The following PTPRD variants were observed in gnomAD, a reference collection of about 807,000 sequenced individuals.
PTPRD encodes receptor-type tyrosine-protein phosphatase delta.
Under a neutral mutation model 214.5 loss-of-function variants are expected in PTPRD, and 34 were observed. The observed-to-expected ratio is 0.16, with a 90% CI of 0.12 to 0.21. PTPRD has a LOEUF of 0.21. Among genes scored for constraint, PTPRD ranks in the 10% least tolerant of loss-of-function variants. The probability of loss-of-function intolerance (pLI) is 1.00; values close to 1 mark genes in which losing one functional copy is unlikely to be tolerated. For missense variants in PTPRD, 2,545 were observed against 2,398.7 expected (o/e 1.06, Z -1.27); for synonymous variants, 1,128 against 845.7 (o/e 1.33, Z -5.79).
rs1588450464 is a variant in PTPRD at position 9,439,236 on chromosome 9, T to A, written c.-236-41754A>T. On this transcript the variant is annotated intron_variant, in intron 8 of 45. Transcript: ENST00000381196. ...AGAAGTTTGAAGCATAAGAAAGAAA[T>A]TAGTGAGTACTCTCCCACAAATATA... 4.6e-5 allele frequency among the ~76,000 whole-genome samples: 7 copies of A among 152,198 alleles called. No homozygotes were observed. The South Asian group carries it at 1.2e-3, about 27-fold the overall frequency.
At chr9:9,866,224 T>A (rs1339975528) in intron 5 of PTPRD, among the ~76,000 whole-genome samples, 1 of 152,250 alleles carries the variant, frequency 6.6e-6, no homozygotes, top group Non-Finnish European at 1.5e-5. Flanking sequence ...CACTTTAGAA[T>A]CTGCTATATA....
At chr9:9,284,297 T>C (rs1209402543) in intron 9 of PTPRD, among the ~76,000 whole-genome samples, 1 of 151,646 alleles carries the variant, frequency 6.6e-6, no homozygotes, top group Non-Finnish European at 1.5e-5. Context: ...GTTTTTATTA[T>C]CCCATCATCT....
At chr9:9,268,426 A>T (rs1941185483) in intron 9 of PTPRD, among the ~76,000 whole-genome samples, 1 of 151,202 alleles carries the variant, frequency 6.6e-6, no homozygotes, top group Non-Finnish European at 1.5e-5. Flanking sequence ...TTATTGTCAA[A>T]ACATACTTCT....
chr9:10,495,619 G>C (rs993001395), intron 2 of PTPRD, among the ~76,000 whole-genome samples: 3 of 151,732 alleles, frequency 2.0e-5, no homozygotes, highest in African/African-American at 7.2e-5. Context: ...ATATAATTGA[G>C]CTAAAAATTT....
At chr9:8,688,484 G>A (rs1343956274) in intron 12 of PTPRD, among the ~76,000 whole-genome samples, 2 of 150,816 alleles carry the variant, frequency 1.3e-5, no homozygotes, top group Non-Finnish European at 2.9e-5. Flanking sequence ...AGAATGGCAT[G>A]AACCCAGGAG....
chr9:9,321,187 T>A (rs1966281293), intron 9 of PTPRD, among the ~76,000 whole-genome samples: 1 of 152,224 alleles, frequency 6.6e-6, no homozygotes, highest in Non-Finnish European at 1.5e-5. Flanking sequence ...CTCATGATTC[T>A]GATGTATGTG....
chr9:8,420,848 C>G (rs1010815776), intron 35 of PTPRD, among the ~76,000 whole-genome samples: 1 of 147,934 alleles, frequency 6.8e-6, no homozygotes, highest in African/African-American at 2.5e-5. Context: ...ACACTGAGAG[C>G]GTAGGAAAAG....
intron 10 of PTPRD, among the ~76,000 whole-genome samples, chr9:9,116,762 T>C (rs777706041): frequency 1.3e-5 from 2 of 152,164 alleles, no homozygotes; most frequent in Non-Finnish European, 2.9e-5. Flanking sequence ...GCACAGAAAA[T>C]GCTCCTCTAC....
At chr9:8,404,779 A>C in intron 35 of PTPRD, 119 bp from the exon 36 acceptor site, 1 of 1,251,594 alleles carries the variant, frequency 8.0e-7, no homozygotes, top group Non-Finnish European at 1.1e-6. Context: ...ATACTTCATC[A>C]AGATGATCCT....
intron 8 of PTPRD, among the ~76,000 whole-genome samples, chr9:9,539,135 A>C (rs2154270437): frequency 6.6e-6 from 1 of 152,016 alleles, no homozygotes; most frequent in African/African-American, 2.4e-5. Flanking sequence ...CAATGGGTAA[A>C]GAAGGAGTTA....
chr9:9,262,256 T>C lies in PTPRD; in HGVS notation c.-202-78893A>G, dbSNP rs143958854. Reference sequence around the variant, plus strand: ...ACAAATACAATTTAAACTTTACTCATAGACACATCAGAAAGAGTAAAATGA... The same window carrying C: ...ACAAATACAATTTAAACTTTACTCACAGACACATCAGAAAGAGTAAAATGA... On this transcript the variant is annotated intron_variant, in intron 9 of 45. Transcript: ENST00000381196. Among the ~76,000 whole-genome samples, 564 of 151,274 alleles carry C rather than the reference T, an allele frequency of 3.7e-3. 5 individuals carry two copies. The highest frequency in any genetic ancestry group is 0.013 in the African/African-American group (543 of 41,274).
chr9:9,144,964 G>C (rs929559385), intron 10 of PTPRD, among the ~76,000 whole-genome samples: 10 of 152,080 alleles, frequency 6.6e-5, no homozygotes, highest in Non-Finnish European at 1.2e-4. Flanking sequence ...TCAGTTTAAA[G>C]GTATTCTGAA....
rs992950907 is a variant in PTPRD at position 9,717,606 on chromosome 9, T to A, written c.-287+16927A>T. Among the ~76,000 whole-genome samples the A allele has an allele frequency of 1.2e-4, 19 of 152,346 alleles. No individual in the cohort carries two copies. The East Asian group carries it at 3.1e-3, about 25-fold the overall frequency. On this transcript the variant is annotated intron_variant, in intron 7 of 45. Transcript: ENST00000381196. The stretch of plus-strand genomic sequence containing the variant: ...AAAACAGCAGACATGGAAGGAATGA[T>A]TCAAAACAAAGATGTCTTATGATTT...
At chr9:10,001,418 T>A (rs997280791) in intron 4 of PTPRD, among the ~76,000 whole-genome samples, 1 of 152,096 alleles carries the variant, frequency 6.6e-6, no homozygotes, top group Non-Finnish European at 1.5e-5. Context: ...AGAAGCTTAA[T>A]AAATTATAAG....
intron 7 of PTPRD, among the ~76,000 whole-genome samples, chr9:9,646,558 T>C (rs904094169): frequency 6.6e-6 from 1 of 152,162 alleles, no homozygotes. Flanking sequence ...ATACTGAGAA[T>C]CAATGTGTTT....
chr9:9,400,444 G>A (rs1485102740), intron 8 of PTPRD, among the ~76,000 whole-genome samples: 3 of 34,158 alleles, frequency 8.8e-5, no homozygotes, highest in Admixed American at 2.9e-4. Flanking sequence ...ATCAAAATCC[G>A]TCCTTCTAAT....
intron 9 of PTPRD, among the ~76,000 whole-genome samples, chr9:9,202,329 A>G (rs565869851): frequency 6.6e-6 from 1 of 152,300 alleles, no homozygotes; most frequent in Non-Finnish European, 1.5e-5. Flanking sequence ...TTTACTGAAT[A>G]CTTCTCTTTA....
chr9:9,691,922 C>T (rs2097278879), intron 7 of PTPRD, among the ~76,000 whole-genome samples: 2 of 151,990 alleles, frequency 1.3e-5, no homozygotes, highest in Non-Finnish European at 2.9e-5. Context: ...TGTATGCCTT[C>T]TTCTGGGAAC....
chr9:10,324,788 C>A (rs1241184198), intron 3 of PTPRD, among the ~76,000 whole-genome samples: 2 of 152,014 alleles, frequency 1.3e-5, no homozygotes, highest in African/African-American at 4.8e-5. Context: ...TTGAAATACT[C>A]TATCAATAAT....
Sources: allele counts gnomAD v4.1 joint callset (sites outside exome capture counted in the v4.1 genomes callset), GRCh38; gene constraint gnomAD v4.1.1; transcripts MANE v1.5; gene names NCBI Gene and HGNC (gene_info 2026-07-23, HGNC 2026-07-21).